The following SMTN variants were observed in gnomAD, a reference collection of about 807,000 sequenced individuals.
The protein encoded by SMTN is smoothelin.
SMTN carries 58 observed loss-of-function variants against 102.0 expected under a neutral mutation model. That is an observed-to-expected ratio of 0.57 (90% CI 0.46 to 0.71). The LOEUF (loss-of-function observed/expected upper bound fraction) is 0.71, where lower values mean the gene tolerates loss of function less well. Ranked by LOEUF, SMTN falls within the 30% of genes least tolerant of loss-of-function variation. SMTN has a pLI of 0.00. For missense variants in SMTN, 1,185 were observed against 1,241.7 expected (o/e 0.95, Z 0.69); for synonymous variants, 478 against 497.9 (o/e 0.96, Z 0.53).
At chr22:31,092,678 C>T (rs1441444942) in intron 11 of SMTN, 2 of 412,442 alleles carry the variant, frequency 4.8e-6, no homozygotes, top group Non-Finnish European at 1.0e-5. Context: ...GATCCAGCTG[C>T]CCTCTGACAA....
chr22:31,074,159 G>A (rs2042073736), intron 1 of SMTN, among the ~76,000 whole-genome samples: 1 of 152,066 alleles, frequency 6.6e-6, no homozygotes, highest in African/African-American at 2.4e-5. Context: ...AGGCTGAGGT[G>A]GACGGATTAC....
At chr22:31,098,869 G>C (rs921468550) in intron 17 of SMTN, 29 bp downstream of exon 17, 2 of 1,551,924 alleles carry the variant, frequency 1.3e-6, no homozygotes, top group Non-Finnish European at 8.7e-7. Context: ...CTGGGCAGTG[G>C]GGGGCGGGGC....
At position 31,097,315 on chromosome 22, in the gene SMTN, C is replaced by G; in HGVS notation, c.2136C>G (p.Ser712=). The change falls in exon 16 of 21, where the codon TCC becomes TCG. Residue 712 remains serine, a synonymous_variant. Coordinates refer to ENST00000333137, the MANE Select transcript of SMTN (RefSeq NM_134269.3). ...TMMQTKTFSS[S]SSSKKMGSIF... ...TGCAAACCAAGACCTTCTCCTCTTC[C>G]TCCTCATCCAAGAAGATGGGCAGGT... is the stretch of plus-strand genomic sequence containing the variant. The G allele has an allele frequency of 6.2e-7, 1 of 1,614,138 alleles. No homozygotes were observed. The highest frequency in any genetic ancestry group is 8.5e-7 in the Non-Finnish European group (1 of 1,180,006).
At chr22:31,085,114 C>A (rs2042584904) in intron 2 of SMTN, 2 of 1,535,208 alleles carry the variant, frequency 1.3e-6, no homozygotes, top group South Asian at 2.4e-5. Flanking sequence ...ACGCCGCGTG[C>A]CCCTCCACCA....
chr22:31,099,124 A>C lies in SMTN; in HGVS notation c.2396A>C (p.Asn799Thr), dbSNP rs1294941031. ...RSTSFGVPNA[N>T]SIKQMLLDWC... The stretch of plus-strand genomic sequence containing the variant: ...ACCAGCTTCGGGGTCCCCAACGCCA[A>C]CAGCATCAAGCAGATGCTGCTGGAC... Residue 799 changes from asparagine to threonine, a missense_variant, in exon 18 of 21, where the codon AAC (asparagine) becomes ACC (threonine). Coordinates refer to ENST00000333137, the MANE Select transcript of SMTN (RefSeq NM_134269.3). 2 of 1,613,316 alleles carry C rather than the reference A, an allele frequency of 1.2e-6. No homozygotes were observed. The highest frequency in any genetic ancestry group is 2.2e-5 in the South Asian group (2 of 91,080).
chr22:31,085,668 C>T (rs9621185), intron 2 of SMTN, among the ~76,000 whole-genome samples: 48,633 of 152,180 alleles, frequency 0.32, 8,447 homozygotes, highest in South Asian at 0.44. Context: ...CCTCCCACAG[C>T]TCCCTCCTTA....
At chr22:31,097,133 C>T in intron 15 of SMTN, 73 bp downstream of exon 15, 1 of 1,526,518 alleles carries the variant, frequency 6.6e-7, no homozygotes, top group South Asian at 1.1e-5. Context: ...CTTGAGCTCT[C>T]TCTCCGTGTC....
At position 31,091,855 on chromosome 22, in the gene SMTN, C is replaced by G; in HGVS notation, c.1632+8C>G. 6.4e-7 allele frequency: 1 copy of G among 1,563,280 alleles called. No individual in the cohort carries two copies. Among genetic ancestry groups the G allele is most frequent in the East Asian group, 2.4e-5 (1 of 42,474 alleles). Reference sequence around the variant, plus strand: ...GGAGGCTGCAGCATCAAGGTGAGCCCCTCCTCACCCCACCAGCCTCACCAT... The same window carrying G: ...GGAGGCTGCAGCATCAAGGTGAGCCGCTCCTCACCCCACCAGCCTCACCAT... On this transcript the variant is annotated splice_region_variant and intron_variant, in intron 11 of 20. Coordinates refer to ENST00000333137, the MANE Select transcript of SMTN (RefSeq NM_134269.3).
intron 2 of SMTN, chr22:31,085,041 G>A: frequency 1.3e-6 from 2 of 1,514,430 alleles, no homozygotes; most frequent in Non-Finnish European, 1.8e-6. Context: ...TCCGGCCCCG[G>A]CTCCCGCACA....
chr22:31,065,886 G>C (rs1247795522), intron 1 of SMTN: 2 of 152,110 alleles, frequency 1.3e-5, no homozygotes, highest in African/African-American at 4.8e-5. Context: ...GATAAAGGCA[G>C]ACCGTACTTG....
At chr22:31,084,872 C>T in intron 2 of SMTN, 2 of 1,035,474 alleles carry the variant, frequency 1.9e-6, no homozygotes, top group South Asian at 4.4e-5. Flanking sequence ...TTACTGCGCC[C>T]CGCGCGCCGG....
Position 31,099,813 on chromosome 22 carries a change from C to T in SMTN, c.2520C>T (p.Asn840=), listed in dbSNP as rs1442807831. The T allele has an allele frequency of 3.1e-6, 5 of 1,614,000 alleles. 1 individual carries two copies. The highest frequency in any genetic ancestry group is 4.2e-6 in the Non-Finnish European group (5 of 1,179,970). Residue 840 remains asparagine (N), a synonymous_variant, in exon 19 of 21, where the codon AAC becomes AAT. Coordinates refer to ENST00000333137, the MANE Select transcript of SMTN (RefSeq NM_134269.3). ...TGGCCTTCTGTGCCCTGGTGCACAA[C>T]TTCTTCCCTGAGGCCTTCGACTATG... ...DGMAFCALVH[N]FFPEAFDYGQ... is the part of the protein sequence containing the mutation.
At chr22:31,074,721 C>T (rs141361837) in intron 1 of SMTN, among the ~76,000 whole-genome samples, 6 of 152,256 alleles carry the variant, frequency 3.9e-5, no homozygotes, top group African/African-American at 1.2e-4. Flanking sequence ...CGCTTGAACC[C>T]AGGAAGCGGA....
upstream of SMTN, among the ~76,000 whole-genome samples, chr22:31,076,525 T>G (rs1334097892): frequency 1.3e-5 from 2 of 152,232 alleles, no homozygotes; most frequent in Non-Finnish European, 2.9e-5. Flanking sequence ...AACATTAGCA[T>G]CTGCTTTATA....
chr22:31,100,697 T>C (rs952704690), intron 19 of SMTN, among the ~76,000 whole-genome samples, 188 bp from the exon 20 acceptor site: 27 of 152,050 alleles, frequency 1.8e-4, no homozygotes, highest in Non-Finnish European at 2.8e-4. Context: ...GGAGGAGGCA[T>C]GCGGGGGGCT....
intron 1 of SMTN, among the ~76,000 whole-genome samples, chr22:31,071,513 C>T (rs776519973): frequency 8.3e-4 from 126 of 151,456 alleles, no homozygotes; most frequent in Non-Finnish European, 1.2e-3. Context: ...TGGCATGCAC[C>T]GGCTGAGGTG....
At chr22:31,072,653 G>C (rs908590910) in intron 1 of SMTN, among the ~76,000 whole-genome samples, 2 of 152,004 alleles carry the variant, frequency 1.3e-5, no homozygotes, top group Non-Finnish European at 2.9e-5. Flanking sequence ...GTACAGACAG[G>C]GTTTCACCAT....
At position 31,095,334 on chromosome 22, in the gene SMTN, C is replaced by T. The variant is rs1220297868; in HGVS notation, c.1664C>T (p.Ala555Val). 1.7e-5 allele frequency: 27 copies of T among 1,614,126 alleles called. No homozygotes were observed. The highest frequency in any genetic ancestry group is 2.2e-5 in the Non-Finnish European group (26 of 1,180,024). The change falls in exon 12 of 21, where the codon GCA (alanine) becomes GTA (valine). Residue 555 changes from alanine (A) to valine (V), a missense_variant. This residue lies in a region of SMTN where 1,096 missense variants were observed against 1,112.7 expected (regional missense o/e 0.98). Transcript: ENST00000333137. The surrounding 1 kb of genome is among the most constrained non-coding windows in gnomAD (Gnocchi z 4.1). ...MEAEPAEPLA[A>V]AVEAANGAEQ... ...GCAGAGCCAGCAGAGCCTCTCGCTG[C>T]AGCAGTGGAAGCGGCCAATGGGGCT...
intron 1 of SMTN, among the ~76,000 whole-genome samples, chr22:31,068,706 G>A (rs3986057): frequency 0.022 from 3,403 of 152,294 alleles, 137 homozygotes; most frequent in African/African-American, 0.079. Context: ...CCTGGGGACC[G>A]TGTTGAGCGA....
Sources: gnomAD v4.1 joint callset for allele counts (sites outside exome capture counted in the v4.1 genomes callset) on GRCh38, gnomAD v4.1.1 for gene constraint, gnomAD v4.1.1 regional missense constraint, Gnocchi (gnomAD v3.1) non-coding constraint, MANE v1.5 for transcripts, NCBI Gene and HGNC (gene_info 2026-07-23, HGNC 2026-07-21) for gene names.